FBN1: variants seen among roughly 807,000 people sequenced by gnomAD.
FBN1 encodes the protein fibrillin 1, also known as fibrillin-1.
In FBN1, 29 loss-of-function variants were observed where a neutral mutation model predicts 365.1. That is an observed-to-expected ratio of 0.08 (90% CI 0.06 to 0.11). FBN1 has a LOEUF of 0.11. FBN1 is among the 10% of genes least tolerant of loss of function. The probability of loss-of-function intolerance (pLI) is 1.00; values close to 1 mark genes in which losing one functional copy is unlikely to be tolerated. For synonymous variants in FBN1, 1,210 were observed against 1,270.5 expected (o/e 0.95, Z 1.01); for missense variants, 2,476 against 3,703.2 (o/e 0.67, Z 8.60).
chr15:48,617,879 C>T (rs1220730832), intron 2 of FBN1, among the ~76,000 whole-genome samples: 1 of 152,172 alleles, frequency 6.6e-6, no homozygotes, highest in Non-Finnish European at 1.5e-5. Flanking sequence ...AGCAAGATAG[C>T]CTTTCTGTTT....
intron 3 of FBN1, among the ~76,000 whole-genome samples, chr15:48,612,154 GC>G (rs1226062288): frequency 3.3e-5 from 5 of 152,200 alleles, no homozygotes; most frequent in Non-Finnish European, 4.4e-5. Context: ...TAAAGGAGAT[GC>G]TTTCTGGTCA....
In FBN1 at chr15:48,437,862, G is replaced by A. The variant is rs771786623; in HGVS notation, c.6219C>T (p.Pro2073=). ...CCTGCTTGGAGTGATTTCTGGATTT[G>A]GGTGATGAACACTTTCCTCCTTCAA... ...AKFEGGKCSS[P]KSRNHSKQEC... Residue 2073 remains proline, a synonymous_variant, in exon 51 of 66, where the codon CCC becomes CCT. Coordinates refer to ENST00000316623, the MANE Select transcript of FBN1 (RefSeq NM_000138.5). 2 of 1,613,854 alleles carry A rather than the reference G, an allele frequency of 1.2e-6. No homozygotes were observed. Among genetic ancestry groups the A allele is most frequent in the Admixed American group, 3.3e-5 (2 of 59,976 alleles).
intron 6 of FBN1, among the ~76,000 whole-genome samples, chr15:48,560,841 C>T (rs1301260563): frequency 6.6e-6 from 1 of 152,056 alleles, no homozygotes; most frequent in African/African-American, 2.4e-5. Context: ...GTGGAAAGAG[C>T]CCAGTACTGG....
At position 48,481,761 on chromosome 15, in the gene FBN1, C is replaced by G; in HGVS notation, c.3858G>C (p.Leu1286=). 6.2e-7 allele frequency: 1 copy of G among 1,613,528 alleles called. No individual in the cohort carries two copies. Among genetic ancestry groups the G allele is most frequent in the Admixed American group, 1.7e-5 (1 of 60,006 alleles). ...TCCCACTTAGGCAGATATTTGGATT[C>G]AGGTCACACTCATTGACATCTGTAA... ...KTCVDVNECD[L]NPNICLSGTC... Residue 1286 remains leucine (L), a synonymous_variant, in exon 32 of 66, where the codon CTG becomes CTC. Transcript: ENST00000316623.
intron 59 of FBN1, 115 bp downstream of exon 59, chr15:48,425,624 T>C: frequency 6.6e-7 from 1 of 1,524,748 alleles, no homozygotes; most frequent in Non-Finnish European, 9.1e-7. Context: ...TTGATGATTG[T>C]CCTGTGCTTT....
intron 2 of FBN1, among the ~76,000 whole-genome samples, chr15:48,616,056 G>A (rs1359951918): frequency 6.6e-6 from 1 of 152,036 alleles, no homozygotes; most frequent in Non-Finnish European, 1.5e-5. Flanking sequence ...CTAGACTTTC[G>A]AAGTATGAAC....
Position 48,620,255 on chromosome 15 carries a change from G to A in FBN1, c.165-7163C>T, listed in dbSNP as rs143946182. On this transcript the variant is annotated intron_variant, in intron 2 of 65. Coordinates refer to ENST00000316623, the MANE Select transcript of FBN1 (RefSeq NM_000138.5). ...CTGGGAAGAGAGATGAAGAGATGAC[G>A]ATGTATGTAATGTTACACATCATTG... Among the ~76,000 whole-genome samples, 75 of 152,266 alleles carry A rather than the reference G, an allele frequency of 4.9e-4. 2 individuals carry two copies. The East Asian group carries it at 9.8e-3, about 20-fold the overall frequency.
In FBN1 at chr15:48,428,379, A is replaced by G. The variant is rs748762575; in HGVS notation, c.6964T>C (p.Phe2322Leu). Residue 2322 changes from phenylalanine to leucine, a missense_variant, in exon 57 of 66, where the codon TTT (phenylalanine) becomes CTT (leucine). Phe to Leu is a conservative substitution (Grantham distance 22). Around this residue, in one of 5 missense-constraint regions of FBN1, gnomAD observed 1,780 missense variants for 2,840.8 expected, o/e 0.63. Coordinates refer to ENST00000316623, the MANE Select transcript of FBN1 (RefSeq NM_000138.5). ...GSYTCECNDG[F>L]TASPNQDECL... ...TCGTCCTGGTTGGGGCTGGCGGTAA[A>G]CCCATCATTACACTCACAGGTGTAG... is the stretch of plus-strand genomic sequence containing the variant. 1 of 1,613,966 alleles carries G rather than the reference A, an allele frequency of 6.2e-7. No homozygotes were observed. The highest frequency in any genetic ancestry group is 1.1e-5 in the South Asian group (1 of 91,062).
chr15:48,437,328 C>T lies in FBN1; in HGVS notation c.6373G>A (p.Ala2125Thr). The change falls in exon 52 of 66, where the codon GCA becomes ACA. Residue 2125 changes from alanine (A) to threonine (T), a missense_variant. Physicochemically the swap from Ala to Thr is moderately conservative, Grantham distance 58 (BLOSUM62 0). Transcript: ENST00000316623. ...SGIIVGPDDS[A>T]VDMDECKEPD... Reference sequence around the variant, plus strand: ...TCCAGCACAGGCAACTGACCAACTGCTGAATCATCAGGTCCCACGATGATC... The same window carrying T: ...TCCAGCACAGGCAACTGACCAACTGTTGAATCATCAGGTCCCACGATGATC... 1 of 1,613,288 alleles carries T rather than the reference C, an allele frequency of 6.2e-7. No homozygotes were observed. Among genetic ancestry groups the T allele is most frequent in the Non-Finnish European group, 8.5e-7 (1 of 1,179,416 alleles).
At chr15:48,470,553 T>C in intron 36 of FBN1, 81 bp downstream of exon 36, 1 of 1,593,038 alleles carries the variant, frequency 6.3e-7, no homozygotes, top group Non-Finnish European at 8.6e-7. Flanking sequence ...GTGACGGCCC[T>C]TGTGTAGTCC....
chr15:48,551,836 A>G (rs1257274169), intron 6 of FBN1, among the ~76,000 whole-genome samples: 1 of 152,156 alleles, frequency 6.6e-6, no homozygotes, highest in African/African-American at 2.4e-5. Flanking sequence ...ATGTCCTTGC[A>G]AAGTTCCCTT....
At chr15:48,531,969 GCTGA>G (rs1415052019) in intron 8 of FBN1, among the ~76,000 whole-genome samples, 1 of 152,190 alleles carries the variant, frequency 6.6e-6, no homozygotes, top group Non-Finnish European at 1.5e-5. Context: ...TTATCTTGCT[GCTGA>G]CTTTCACATG....
At position 48,411,361 on chromosome 15, in the gene FBN1, C is replaced by T; in HGVS notation, c.8245G>A (p.Ala2749Thr). The T allele has an allele frequency of 6.2e-7, 1 of 1,614,034 alleles. No homozygotes were observed. The stretch of plus-strand genomic sequence containing the variant: ...TCCCAACTTGCAAGACTCACATTGG[C>T]TTCTGTCTCAGACTGATCCTGGAAA... ...SNIEDQSETEANVSLASWDVE... is the reference protein window; with the variant it reads ...SNIEDQSETETNVSLASWDVE... Residue 2749 changes from alanine (A) to threonine (T), a missense_variant, in exon 66 of 66, where the codon GCC (alanine) becomes ACC (threonine). Ala to Thr is a moderately conservative substitution (Grantham distance 58, BLOSUM62 0). Around this residue, in one of 5 missense-constraint regions of FBN1, gnomAD observed 177 missense variants for 192.7 expected, o/e 0.92. Coordinates refer to ENST00000316623, the MANE Select transcript of FBN1 (RefSeq NM_000138.5).
chr15:48,474,583 T>C lies in FBN1; in HGVS notation c.4032A>G (p.Gly1344=). The C allele has an allele frequency of 6.2e-7, 1 of 1,614,188 alleles. No homozygotes were observed. The highest frequency in any genetic ancestry group is 8.5e-7 in the Non-Finnish European group (1 of 1,180,000). ...CGGGACTGCAGCTACATTTGAAGCT[T>C]CCTGCTGTATTGGTACATACAGCAT... is the stretch of plus-strand genomic sequence containing the variant. The part of the protein sequence containing the change: ...GKHAVCTNTA[G]SFKCSCSPGW... The change falls in exon 33 of 66, where the codon GGA becomes GGG. Residue 1344 remains glycine, a synonymous_variant. Coordinates refer to ENST00000316623, the MANE Select transcript of FBN1 (RefSeq NM_000138.5).
At position 48,456,110 on chromosome 15, in the gene FBN1, A is replaced by G. The variant is rs532581288; in HGVS notation, c.5422+527T>C. 9.8e-5 allele frequency among the ~76,000 whole-genome samples: 15 copies of G among 152,376 alleles called. No individual in the cohort carries two copies. In the South Asian group the frequency reaches 3.1e-3, roughly 32 times the overall value. Reference sequence around the variant, plus strand: ...AATCACAGTACATATACATGGCAACAGGAGGTAATTTGAAAATGAAAAAAG... The same window carrying G: ...AATCACAGTACATATACATGGCAACGGGAGGTAATTTGAAAATGAAAAAAG... On this transcript the variant is annotated intron_variant, in intron 44 of 65. Transcript: ENST00000316623.
intron 4 of FBN1, among the ~76,000 whole-genome samples, chr15:48,610,106 A>T (rs554984657): frequency 6.6e-6 from 1 of 152,316 alleles, no homozygotes; most frequent in South Asian, 2.1e-4. Context: ...CTTTTTAAAC[A>T]ACCAATTATG....
intron 40 of FBN1, 82 bp from the exon 41 acceptor site, chr15:48,464,103 T>C: frequency 7.4e-7 from 1 of 1,345,810 alleles, no homozygotes; most frequent in Non-Finnish European, 1.1e-6. Context: ...ATGTTGACAT[T>C]AGAGGAGAAA....
chr15:48,525,983 GC>G, intron 9 of FBN1, 146 bp downstream of exon 9: 1 of 1,010,638 alleles, frequency 9.9e-7, no homozygotes, highest in Non-Finnish European at 1.5e-6. Context: ...CTTTAAGAGG[GC>G]AGTCAACTGT....
chr15:48,415,712 G>A lies in FBN1; in HGVS notation c.7875C>T (p.Thr2625=), dbSNP rs1344417150. The A allele has an allele frequency of 1.9e-6, 3 of 1,614,098 alleles. No homozygotes were observed. The highest frequency in any genetic ancestry group is 2.5e-6 in the Non-Finnish European group (3 of 1,180,044). ...HICGGASCHN[T]LGSYKCMCPA... The stretch of plus-strand genomic sequence containing the variant: ...GACACATGCACTTGTAGCTCCCCAG[G>A]GTGTTGTGACAGGAGGCTCCTCCGC... Residue 2625 remains threonine (T), a synonymous_variant, in exon 64 of 66, where the codon ACC becomes ACT. Transcript: ENST00000316623.
Sources: gnomAD v4.1 joint callset for allele counts (sites outside exome capture counted in the v4.1 genomes callset) on GRCh38, gnomAD v4.1.1 for gene constraint, gnomAD v4.1.1 regional missense constraint, MANE v1.5 for transcripts, NCBI Gene and HGNC (gene_info 2026-07-23, HGNC 2026-07-21) for gene names.